FAHD1: variants seen among roughly 807,000 people sequenced by gnomAD.
FAHD1 encodes FAH domain containing oxaloacetate decarboxylase 1.
FAHD1 carries 14 observed loss-of-function variants against 12.7 expected under a neutral mutation model. The ratio of observed to expected loss-of-function variants is 1.10; its 90% CI spans 0.73 to 1.72. FAHD1 has a LOEUF of 1.72. Among genes scored for constraint, FAHD1 ranks in the 40% most tolerant of loss-of-function variants. FAHD1 has a pLI of 0.00. For synonymous variants in FAHD1, 153 were observed against 124.9 expected (o/e 1.22, Z -1.50); for missense variants, 351 against 298.9 (o/e 1.17, Z -1.29).
At chr16:1,834,359 AGAAC>A (rs772865632) in intron 1 of FAHD1, 2 of 1,578,460 alleles carry the variant, frequency 1.3e-6, no homozygotes, top group South Asian at 1.1e-5. Flanking sequence ...TCTGTGTGAT[AGAAC>A]GAACTGCGAG....
exon 1 of FAHD1, chr16:1,827,626 G>A: frequency 6.2e-7 from 1 of 1,613,982 alleles, no homozygotes; most frequent in Non-Finnish European, 8.5e-7. Context: ...CCCGGTCAGC[G>A]CGTTCGTGCC....
chr16:1,836,153 T>C (rs1018580056), intron 1 of FAHD1, among the ~76,000 whole-genome samples: 16 of 147,892 alleles, frequency 1.1e-4, no homozygotes, highest in African/African-American at 4.0e-4. Context: ...GAGTTAAATC[T>C]TCAACATGTG....
At chr16:1,834,472 T>C in intron 1 of FAHD1, 1 of 619,576 alleles carries the variant, frequency 1.6e-6, no homozygotes, top group Non-Finnish European at 2.9e-6. Context: ...AATGAAAGTT[T>C]TGTTTACAGA....
exon 1 of FAHD1, chr16:1,828,342 G>C: frequency 1.0e-6 from 1 of 991,710 alleles, no homozygotes; most frequent in Non-Finnish European, 1.2e-6. Context: ...TCAACTCATA[G>C]AAGATGAACC....
chr16:1,837,913 C>A, intron 1 of FAHD1: 1 of 1,451,518 alleles, frequency 6.9e-7, no homozygotes, highest in South Asian at 1.4e-5. Context: ...TTGAAGTTTA[C>A]AAAGAAAATT....
intron 1 of FAHD1, among the ~76,000 whole-genome samples, chr16:1,835,605 T>G (rs918554448): frequency 6.6e-6 from 1 of 152,146 alleles, no homozygotes; most frequent in African/African-American, 2.4e-5. Flanking sequence ...TAGTCTGACA[T>G]TGGCTAGAAC....
downstream of FAHD1, among the ~76,000 whole-genome samples, chr16:1,832,178 C>CTTTTTTT (rs57889123): frequency 0.1 from 11,053 of 108,680 alleles, 1,285 homozygotes; most frequent in East Asian, 0.22. Context: ...TATGGTCATT[C>CTTTTTTT]TTTTTTTTTT....
downstream of FAHD1, among the ~76,000 whole-genome samples, chr16:1,832,422 C>T (rs1306001381): frequency 1.3e-5 from 2 of 150,440 alleles, no homozygotes; most frequent in Non-Finnish European, 3.0e-5. Context: ...CCACCCACCT[C>T]AGCCTCCCAA....
downstream of FAHD1, among the ~76,000 whole-genome samples, chr16:1,830,641 T>C (rs933155440): frequency 1.1e-4 from 17 of 152,162 alleles, no homozygotes; most frequent in African/African-American, 4.1e-4. Flanking sequence ...ACAAAGTCCT[T>C]AGATGCAAGA....
At chr16:1,828,058 GCT>G in exon 1 of FAHD1, 1 of 1,356,174 alleles carries the variant, frequency 7.4e-7, no homozygotes, top group Non-Finnish European at 9.8e-7. Flanking sequence ...GAGGCGGGCG[GCT>G]CACGACGTCA....
At chr16:1,829,139 C>T (rs777964215), downstream of FAHD1, among the ~76,000 whole-genome samples, 1 of 152,214 alleles carries the variant, frequency 6.6e-6, no homozygotes, top group Non-Finnish European at 1.5e-5. Flanking sequence ...TCTGAAAAAA[C>T]ATCCAGGCAA....
chr16:1,834,144 T>C, intron 1 of FAHD1: 1 of 639,152 alleles, frequency 1.6e-6, no homozygotes, highest in Non-Finnish European at 2.8e-6. Flanking sequence ...TAGAAACATG[T>C]TCACCACATG....
Position 1,827,508 on chromosome 16 carries a change from C to T in FAHD1, c.270C>T (p.Tyr90=), listed in dbSNP as rs1287941339. Residue 90 remains tyrosine, a synonymous_variant, in exon 1 of 1, where the codon TAC becomes TAT. Transcript: ENST00000427358. The stretch of plus-strand genomic sequence containing the variant: ...TCCCCGAGGCTGCGGCCATGGACTA[C>T]GTGGGCGGCTATGCCCTGTGCCTGG... 4 of 1,613,024 alleles carry T rather than the reference C, an allele frequency of 2.5e-6. No individual in the cohort carries two copies. In the African/African-American group the frequency reaches 4.0e-5, roughly 16 times the overall value.
At chr16:1,828,860 G>A (rs1473577988) in exon 1 of FAHD1, 20 of 999,912 alleles carry the variant, frequency 2.0e-5, no homozygotes, top group Non-Finnish European at 2.4e-5. Flanking sequence ...TTCTGAGTTC[G>A]GGAGATGATT....
chr16:1,829,514 A>G (rs72762858), downstream of FAHD1, among the ~76,000 whole-genome samples: 26,985 of 152,100 alleles, frequency 0.18, 2,537 homozygotes, highest in South Asian at 0.27. Context: ...ACCACAATGC[A>G]GGCTGCATCT....
chr16:1,827,801 G>A (rs1469648975), exon 1 of FAHD1: 3 of 1,613,970 alleles, frequency 1.9e-6, no homozygotes, highest in Non-Finnish European at 2.5e-6. Context: ...ATCTTGACTG[G>A]GACGCCAAAG....
At chr16:1,837,966 G>A (rs1898793424) in intron 1 of FAHD1, 2 of 1,446,880 alleles carry the variant, frequency 1.4e-6, no homozygotes, top group African/African-American at 2.9e-5. Flanking sequence ...CATTAGAAAT[G>A]AAATTTTATT....
chr16:1,832,781 C>T (rs977033842), downstream of FAHD1, among the ~76,000 whole-genome samples: 9 of 152,098 alleles, frequency 5.9e-5, no homozygotes, highest in African/African-American at 1.7e-4. Flanking sequence ...CCTTCCTTCC[C>T]TGTCCACCCT....
At chr16:1,833,806 C>T (rs905372533), downstream of FAHD1, among the ~76,000 whole-genome samples, 1 of 152,006 alleles carries the variant, frequency 6.6e-6, no homozygotes, top group South Asian at 2.1e-4. Context: ...CCTTGGCATC[C>T]CAAAGTGCTG....
Sources: allele counts gnomAD v4.1 joint callset (sites outside exome capture counted in the v4.1 genomes callset), GRCh38; gene constraint gnomAD v4.1.1; transcripts MANE v1.5; gene names NCBI Gene and HGNC (gene_info 2026-07-23, HGNC 2026-07-21).